ADAMTS2: variants seen among roughly 807,000 people sequenced by gnomAD.
The protein encoded by ADAMTS2 is A disintegrin and metalloproteinase with thrombospondin motifs 2.
A neutral mutation model predicts 123.0 loss-of-function variants in ADAMTS2; 50 were observed. The observed-to-expected ratio is 0.41, with a 90% CI of 0.32 to 0.51. The LOEUF (loss-of-function observed/expected upper bound fraction) is 0.51, where lower values mean the gene tolerates loss of function less well. Ranked by LOEUF, ADAMTS2 falls within the 20% of genes least tolerant of loss-of-function variation. The pLI is 0.35. For synonymous variants in ADAMTS2, 678 were observed against 695.4 expected (o/e 0.98, Z 0.39); for missense variants, 1,494 against 1,705.2 (o/e 0.88, Z 2.18).
At chr5:179,230,392 G>A (rs1765381278) in intron 3 of ADAMTS2, among the ~76,000 whole-genome samples, 1 of 152,236 alleles carries the variant, frequency 6.6e-6, no homozygotes, top group South Asian at 2.1e-4. Flanking sequence ...TGCAGAGGGT[G>A]TGCAGGTCTG....
At chr5:179,326,294 T>C (rs1304942479) in intron 2 of ADAMTS2, among the ~76,000 whole-genome samples, 2 of 150,832 alleles carry the variant, frequency 1.3e-5, no homozygotes, top group East Asian at 4.0e-4. Context: ...AGAGGACCCT[T>C]GGCCTCAGCC....
intron 2 of ADAMTS2, among the ~76,000 whole-genome samples, chr5:179,297,324 C>T (rs911244075): frequency 1.3e-5 from 2 of 152,240 alleles, no homozygotes; most frequent in South Asian, 2.1e-4. Context: ...AAATTGATCC[C>T]GGCCTCCCCT....
intron 3 of ADAMTS2, among the ~76,000 whole-genome samples, chr5:179,246,089 C>G (rs1471081612): frequency 6.6e-6 from 1 of 152,152 alleles, no homozygotes; most frequent in Non-Finnish European, 1.5e-5. Context: ...ATTTTGGTGA[C>G]AGTGGGTTAT....
chr5:179,168,844 A>G (rs578111690), intron 5 of ADAMTS2, among the ~76,000 whole-genome samples: 2 of 152,324 alleles, frequency 1.3e-5, no homozygotes, highest in East Asian at 3.9e-4. Context: ...CTTACAGATC[A>G]AATCTCATCA....
chr5:179,266,283 A>T (rs1766368270), intron 3 of ADAMTS2, among the ~76,000 whole-genome samples: 1 of 152,208 alleles, frequency 6.6e-6, no homozygotes, highest in Non-Finnish European at 1.5e-5. Context: ...ATGGCAGAAG[A>T]GACTTTGCAA....
chr5:179,224,959 G>C (rs1176027457), intron 3 of ADAMTS2, among the ~76,000 whole-genome samples: 2 of 152,210 alleles, frequency 1.3e-5, no homozygotes, highest in Non-Finnish European at 2.9e-5. Context: ...TGGCCAACCA[G>C]AGTGAGTCCA....
At chr5:179,209,512 A>ACACACACATGCACACACACACACACATG (rs1287293895) in intron 3 of ADAMTS2, among the ~76,000 whole-genome samples, 7 of 150,724 alleles carry the variant, frequency 4.6e-5, no homozygotes, top group African/African-American at 1.5e-4. Context: ...CCCTCGGCGC[A>ACACACACATGCACACACACACACACATG]CACACACATG....
At chr5:179,176,524 A>T (rs73809706) in intron 5 of ADAMTS2, among the ~76,000 whole-genome samples, 19,411 of 152,066 alleles carry the variant, frequency 0.13, 1,328 homozygotes, top group African/African-American at 0.13. Flanking sequence ...CCCAGCTGAG[A>T]GTCTCTCCGC....
At chr5:179,145,287 G>A (rs1361613933) in intron 10 of ADAMTS2, among the ~76,000 whole-genome samples, 1 of 151,826 alleles carries the variant, frequency 6.6e-6, no homozygotes, top group African/African-American at 2.4e-5. Context: ...CAGTTGGAAT[G>A]TAAAACAGGC....
chr5:179,154,306 G>T, intron 7 of ADAMTS2, 114 bp from the exon 8 acceptor site: 1 of 1,454,296 alleles, frequency 6.9e-7, no homozygotes, highest in Non-Finnish European at 9.3e-7. Flanking sequence ...TCCTGACCTT[G>T]GCCCACTCTG....
intron 11 of ADAMTS2, 67 bp from the exon 12 acceptor site, chr5:179,138,011 G>A: frequency 6.6e-7 from 1 of 1,516,748 alleles, no homozygotes; most frequent in South Asian, 1.2e-5. Flanking sequence ...GGGTGCCCTT[G>A]TGAGATCTTT....
chr5:179,315,331 G>GGAAAGCACTGAGGCCACAGTTAGCTTCT (rs1195221011), intron 2 of ADAMTS2, among the ~76,000 whole-genome samples: 1 of 49,078 alleles, frequency 2.0e-5, no homozygotes, highest in Non-Finnish European at 4.3e-5. Flanking sequence ...ACAGTGCTTT[G>GGAAAGCACTGAGGCCACAGTTAGCTTCT]GGAAGGTCAT....
chr5:179,280,857 C>CTTTT (rs372561733), intron 2 of ADAMTS2, among the ~76,000 whole-genome samples: 1 of 151,964 alleles, frequency 6.6e-6, no homozygotes, highest in Non-Finnish European at 1.5e-5. Flanking sequence ...AAGTTCAATG[C>CTTTT]TTTTTTTCTT....
chr5:179,219,248 C>T (rs1243365429), intron 3 of ADAMTS2, among the ~76,000 whole-genome samples: 3 of 152,192 alleles, frequency 2.0e-5, no homozygotes, highest in Non-Finnish European at 2.9e-5. Flanking sequence ...AGGGCAGCCC[C>T]GTGTGCTGCT....
At chr5:179,187,791 C>G (rs1210765973) in intron 4 of ADAMTS2, among the ~76,000 whole-genome samples, 1 of 152,226 alleles carries the variant, frequency 6.6e-6, no homozygotes, top group East Asian at 1.9e-4. Context: ...CCGCAGCCAT[C>G]TCTGTGCGGA....
chr5:179,198,211 G>A lies in ADAMTS2; in HGVS notation c.891+9302C>T, dbSNP rs112623884. 7.4e-3 allele frequency among the ~76,000 whole-genome samples: 1,128 copies of A among 152,322 alleles called. 8 individuals carry two copies. Among genetic ancestry groups the A allele is most frequent in the Non-Finnish European group, 9.7e-3 (662 of 68,022 alleles). On this transcript the variant is annotated intron_variant, in intron 4 of 21. Transcript: ENST00000251582. ...GGCTGGGCCCAGGGGAGGCAGCAAC[G>A]CAAGGTGGAGGCTGCAGGCTGAGCC...
intron 2 of ADAMTS2, among the ~76,000 whole-genome samples, chr5:179,293,012 C>T (rs1181133720): frequency 6.6e-6 from 1 of 152,166 alleles, no homozygotes; most frequent in African/African-American, 2.4e-5. Context: ...TTGGGACATC[C>T]TCTGTTGTTG....
chr5:179,134,256 C>A (rs1763014595), intron 13 of ADAMTS2, among the ~76,000 whole-genome samples: 1 of 152,010 alleles, frequency 6.6e-6, no homozygotes, highest in Admixed American at 6.6e-5. Flanking sequence ...AGAGACTACA[C>A]CTCCCAGGGG....
rs1051658495 is a variant in ADAMTS2 at position 179,114,390 on chromosome 5, G to C, written c.3179-66C>G. 20 of 1,511,320 alleles carry C rather than the reference G, an allele frequency of 1.3e-5. No individual in the cohort carries two copies. In the African/African-American group the frequency reaches 2.3e-4, roughly 18 times the overall value. The allele number at this position is 1,511,320 out of a possible 1,614,324, so 93.6% of individuals were successfully genotyped here. On this transcript the variant is annotated intron_variant, in intron 21 of 21. Transcript: ENST00000251582. ...AAGGGGGACTTTGTTCCCCCACAGG[G>C]TGCAGCTTGCTGGAGGAGGCATATG... is the stretch of plus-strand genomic sequence containing the variant.
Sources: gnomAD v4.1 joint callset for allele counts (sites outside exome capture counted in the v4.1 genomes callset) on GRCh38, gnomAD v4.1.1 for gene constraint, MANE v1.5 for transcripts, NCBI Gene and HGNC (gene_info 2026-07-23, HGNC 2026-07-21) for gene names.